CNTNAP4: variants seen among roughly 807,000 people sequenced by gnomAD.
CNTNAP4 encodes the protein contactin associated protein family member 4, also known as contactin-associated protein-like 4.
Under a neutral mutation model 148.4 loss-of-function variants are expected in CNTNAP4, and 98 were observed. That is an observed-to-expected ratio of 0.66 (90% CI 0.56 to 0.78). The LOEUF is 0.78. Ranked by LOEUF, CNTNAP4 falls within the 30% of genes least tolerant of loss-of-function variation. The pLI, the probability that CNTNAP4 is intolerant of heterozygous loss-of-function variation, is 0.00. For synonymous variants in CNTNAP4, 730 were observed against 565.1 expected, an observed-to-expected ratio of 1.29 and a Z score of -4.14; for missense variants, 1,935 against 1,565.6, an observed-to-expected ratio of 1.24 and a Z score of -3.98.
chr16:76,382,026 G>T (rs1018040402), intron 3 of CNTNAP4, among the ~76,000 whole-genome samples: 4 of 131,868 alleles, frequency 3.0e-5, no homozygotes, highest in Non-Finnish European at 4.6e-5. Context: ...GCGCCACTGC[G>T]CTCTAGCCTG....
chr16:76,416,859 A>G (rs9921993), intron 3 of CNTNAP4, among the ~76,000 whole-genome samples: 57,665 of 151,078 alleles, frequency 0.38, 11,205 homozygotes, highest in Middle Eastern at 0.48. Context: ...TTGCCATTCT[A>G]TCAGTATTTG....
At chr16:76,443,597 A>C (rs1233252851) in intron 4 of CNTNAP4, among the ~76,000 whole-genome samples, 1 of 152,118 alleles carries the variant, frequency 6.6e-6, no homozygotes, top group Admixed American at 6.6e-5. Flanking sequence ...TCCAAAAAAA[A>C]TATTTTCCCA....
At chr16:76,345,424 G>C (rs953458069) in intron 2 of CNTNAP4, among the ~76,000 whole-genome samples, 3 of 152,220 alleles carry the variant, frequency 2.0e-5, no homozygotes, top group African/African-American at 7.2e-5. Context: ...ACTGAATTGA[G>C]TGAAGCAGTC....
intron 15 of CNTNAP4, among the ~76,000 whole-genome samples, chr16:76,499,307 A>C (rs1043294991): frequency 1.3e-5 from 2 of 152,012 alleles, no homozygotes; most frequent in African/African-American, 4.8e-5. Flanking sequence ...TTCATGTGAC[A>C]TGATTAAAGT....
At chr16:76,547,854 C>T (rs959241559) in intron 21 of CNTNAP4, among the ~76,000 whole-genome samples, 6 of 152,094 alleles carry the variant, frequency 3.9e-5, no homozygotes, top group African/African-American at 1.2e-4. Context: ...CTGAATCTCC[C>T]CAGAAGAGCT....
chr16:76,520,363 G>C (rs746868473), intron 15 of CNTNAP4, among the ~76,000 whole-genome samples: 4 of 152,174 alleles, frequency 2.6e-5, no homozygotes, highest in Non-Finnish European at 4.4e-5. Flanking sequence ...TTAAAGATAA[G>C]TGGTATTTGG....
At chr16:76,531,883 A>G (rs1324688644) in intron 17 of CNTNAP4, among the ~76,000 whole-genome samples, 1 of 152,228 alleles carries the variant, frequency 6.6e-6, no homozygotes, top group African/African-American at 2.4e-5. Context: ...TAGGTAAATA[A>G]CGAAAGTACA....
chr16:76,357,612 G>A (rs551260869), intron 3 of CNTNAP4, among the ~76,000 whole-genome samples: 2 of 152,198 alleles, frequency 1.3e-5, no homozygotes, highest in East Asian at 1.9e-4. Flanking sequence ...TGTACCTTGC[G>A]ATCTTTTATC....
chr16:76,412,277 A>C (rs912144127), intron 3 of CNTNAP4, among the ~76,000 whole-genome samples: 2 of 151,504 alleles, frequency 1.3e-5, no homozygotes, highest in Non-Finnish European at 3.0e-5. Flanking sequence ...ACTTTGGGTC[A>C]ATTATGAATA....
chr16:76,317,263 AACAAAAAAAAAAAC>A (rs1282845252), intron 2 of CNTNAP4, among the ~76,000 whole-genome samples: 2 of 130,624 alleles, frequency 1.5e-5, no homozygotes, highest in East Asian at 2.0e-4. Flanking sequence ...AAAAAAAAAA[AACAAAAAAAAAAAC>A]CAAAAAAAAA....
chr16:76,317,274 AAAC>A (rs1401219152), intron 2 of CNTNAP4, among the ~76,000 whole-genome samples: 190 of 105,480 alleles, frequency 1.8e-3, no homozygotes, highest in African/African-American at 7.8e-3. Context: ...ACAAAAAAAA[AAAC>A]CAAAAAAAAA....
intron 21 of CNTNAP4, among the ~76,000 whole-genome samples, chr16:76,542,436 G>T (rs1368192433): frequency 6.6e-6 from 1 of 152,134 alleles, no homozygotes; most frequent in Non-Finnish European, 1.5e-5. Flanking sequence ...AATTGTAAAA[G>T]TCTAAACAAA....
chr16:76,407,799 G>A (rs2078646273), intron 3 of CNTNAP4, among the ~76,000 whole-genome samples: 1 of 152,128 alleles, frequency 6.6e-6, no homozygotes, highest in Non-Finnish European at 1.5e-5. Flanking sequence ...TAAAGCAGTG[G>A]CAGGGTTTGA....
chr16:76,324,809 C>T (rs1025962348), intron 2 of CNTNAP4, among the ~76,000 whole-genome samples: 1 of 152,070 alleles, frequency 6.6e-6, no homozygotes, highest in Non-Finnish European at 1.5e-5. Context: ...CTCTCTGTTT[C>T]CTCTTCTTAT....
At chr16:76,344,477 A>G (rs553856404) in intron 2 of CNTNAP4, among the ~76,000 whole-genome samples, 189 of 152,344 alleles carry the variant, frequency 1.2e-3, no homozygotes, top group Non-Finnish European at 1.6e-3. Context: ...CACCCAAACA[A>G]AATACTCATG....
chr16:76,294,049 C>A (rs2143857657), intron 1 of CNTNAP4, among the ~76,000 whole-genome samples: 1 of 152,106 alleles, frequency 6.6e-6, no homozygotes, highest in East Asian at 1.9e-4. Flanking sequence ...AGTGGACTTC[C>A]AGTGTGATAT....
chr16:76,326,267 C>T (rs1567713532), intron 2 of CNTNAP4, among the ~76,000 whole-genome samples: 1 of 152,126 alleles, frequency 6.6e-6, no homozygotes, highest in Non-Finnish European at 1.5e-5. Context: ...CCAGACTCTG[C>T]CTCAGAATGA....
At chr16:76,330,636 T>C (rs1445272305) in intron 2 of CNTNAP4, among the ~76,000 whole-genome samples, 1 of 152,252 alleles carries the variant, frequency 6.6e-6, no homozygotes, top group African/African-American at 2.4e-5. Context: ...TGGCTACCAT[T>C]CACTAACAGT....
chr16:76,411,606 A>T (rs1190174529), intron 3 of CNTNAP4, among the ~76,000 whole-genome samples: 4 of 151,410 alleles, frequency 2.6e-5, no homozygotes, highest in South Asian at 4.1e-4. Flanking sequence ...GGTATTTCTC[A>T]TAGTGTTCTT....
Sources: gnomAD v4.1 joint callset for allele counts (sites outside exome capture counted in the v4.1 genomes callset) on GRCh38, gnomAD v4.1.1 for gene constraint, MANE v1.5 for transcripts, NCBI Gene and HGNC (gene_info 2026-07-23, HGNC 2026-07-21) for gene names.